ZBTB2: variants seen among roughly 807,000 people sequenced by gnomAD.
ZBTB2 encodes the protein zinc finger and BTB domain-containing protein 2.
In ZBTB2, 2 loss-of-function variants were observed where a neutral mutation model predicts 39.5. That is an observed-to-expected ratio of 0.05 (90% CI 0.02 to 0.16). The LOEUF (loss-of-function observed/expected upper bound fraction) is 0.16, where lower values mean the gene tolerates loss of function less well. ZBTB2 is among the 10% of genes least tolerant of loss of function. ZBTB2 has a pLI of 1.00. For missense variants in ZBTB2, 391 were observed against 653.0 expected, an observed-to-expected ratio of 0.60 and a Z score of 4.37; for synonymous variants, 251 against 256.6, an observed-to-expected ratio of 0.98 and a Z score of 0.21.
intron 1 of ZBTB2, among the ~76,000 whole-genome samples, chr6:151,386,873 T>G (rs1171580577): frequency 7.3e-6 from 1 of 137,588 alleles, no homozygotes; most frequent in Non-Finnish European, 1.5e-5. Flanking sequence ...AATATTTAAT[T>G]CAATTAAAAA....
Position 151,366,341 on chromosome 6 carries a change from C to T in ZBTB2, c.725G>A (p.Ser242Asn). 6.2e-7 allele frequency: 1 copy of T among 1,614,138 alleles called. No homozygotes were observed. Among genetic ancestry groups the T allele is most frequent in the African/African-American group, 1.3e-5 (1 of 75,036 alleles). Residue 242 changes from serine to asparagine, a missense_variant, in exon 3 of 3, where the codon AGC becomes AAC. Ser to Asn is a conservative substitution (Grantham distance 46). Coordinates refer to ENST00000325144, the MANE Select transcript of ZBTB2 (RefSeq NM_020861.3). The surrounding 1 kb of genome is among the most constrained non-coding windows in gnomAD (Gnocchi z 7.1). ...ASLTIAHVKPSIMKRNGSFPK... is the reference protein window; with the variant it reads ...ASLTIAHVKPNIMKRNGSFPK... ...AAAGCTCCCATTCCTCTTCATGATG[C>T]TTGGCTTGACGTGGGCTATTGTGAG...
chr6:151,368,481 A>T (rs1778700613), intron 2 of ZBTB2, among the ~76,000 whole-genome samples: 1 of 149,176 alleles, frequency 6.7e-6, no homozygotes, highest in South Asian at 2.1e-4. Context: ...TTTGAGACAG[A>T]GTCTCACTCT....
chr6:151,364,955 A>C lies in ZBTB2; in HGVS notation c.*566T>G, dbSNP rs1359854600. On this transcript the variant is annotated 3_prime_UTR_variant, in exon 3 of 3. Transcript: ENST00000325144. ...TACTTTTTCTCCTTTTTGTTTTGTT[A>C]AAGTAGATTTCTTAACTGATGATTT... The C allele has an allele frequency of 6.5e-6, 1 of 152,704 alleles. No homozygotes were observed. The highest frequency in any genetic ancestry group is 2.4e-5 in the African/African-American group (1 of 41,446). The allele number at this position is 152,704 out of a possible 1,614,324, so 9.5% of individuals were successfully genotyped here.
intron 1 of ZBTB2, among the ~76,000 whole-genome samples, chr6:151,388,320 A>G (rs1350684077): frequency 6.6e-6 from 1 of 152,222 alleles, no homozygotes; most frequent in African/African-American, 2.4e-5. Flanking sequence ...GGGGCTAGGA[A>G]TGAAGCACCA....
At chr6:151,370,332 C>T (rs183301755) in intron 2 of ZBTB2, among the ~76,000 whole-genome samples, 13 of 152,226 alleles carry the variant, frequency 8.5e-5, no homozygotes, top group Non-Finnish European at 1.5e-4. Flanking sequence ...GATGGGGTTT[C>T]ACCATGTTGG....
chr6:151,384,498 G>A (rs917435585), intron 1 of ZBTB2, among the ~76,000 whole-genome samples: 2 of 152,192 alleles, frequency 1.3e-5, no homozygotes. Context: ...GGATTCAAAA[G>A]ATATTTAGAA....
intron 1 of ZBTB2, among the ~76,000 whole-genome samples, chr6:151,375,932 A>AGTAC (rs1778899123): frequency 1.3e-5 from 2 of 152,222 alleles, no homozygotes; most frequent in South Asian, 4.1e-4. Flanking sequence ...TTCAAGATGT[A>AGTAC]GTACATTGCT....
chr6:151,367,279 C>T (rs1232621639), intron 2 of ZBTB2, among the ~76,000 whole-genome samples: 1 of 152,080 alleles, frequency 6.6e-6, no homozygotes, highest in African/African-American at 2.4e-5. Context: ...CACTACCACG[C>T]CCAGTTAATT....
At chr6:151,376,465 G>C (rs1355591980) in intron 1 of ZBTB2, among the ~76,000 whole-genome samples, 2 of 152,070 alleles carry the variant, frequency 1.3e-5, no homozygotes, top group African/African-American at 4.8e-5. Context: ...CAAAGGATTA[G>C]TAACTGGAAT....
At position 151,364,856 on chromosome 6, in the gene ZBTB2, A is replaced by AT. The variant is rs1287549840; in HGVS notation, c.*664dup. On this transcript the variant is annotated 3_prime_UTR_variant, in exon 3 of 3. Coordinates refer to ENST00000325144, the MANE Select transcript of ZBTB2 (RefSeq NM_020861.3). ...CCTGTTTATTAGCAAGTACCCACAC[A>AT]TTTTTCTCTTACAAACACACAAACT... 6.6e-6 allele frequency: 1 copy of AT among 152,644 alleles called. No homozygotes were observed. Among genetic ancestry groups the AT allele is most frequent in the Admixed American group, 6.5e-5 (1 of 15,280 alleles). The allele number at this position is 152,644 out of a possible 1,614,324, so 9.5% of individuals were successfully genotyped here. A position where few individuals can be genotyped will look rare whatever the true frequency, so the allele number is the denominator to read the frequency against.
At chr6:151,387,131 C>T (rs867077760) in intron 1 of ZBTB2, among the ~76,000 whole-genome samples, 1 of 152,142 alleles carries the variant, frequency 6.6e-6, no homozygotes, top group African/African-American at 2.4e-5. Flanking sequence ...TGTGGACAGT[C>T]CTCTTTTATA....
At chr6:151,382,225 T>C (rs536336517) in intron 1 of ZBTB2, among the ~76,000 whole-genome samples, 1 of 152,356 alleles carries the variant, frequency 6.6e-6, no homozygotes, top group East Asian at 1.9e-4. Context: ...AATCTTATTA[T>C]GGGTACATGA....
intron 1 of ZBTB2, among the ~76,000 whole-genome samples, chr6:151,378,691 G>T (rs1778967791): frequency 6.6e-6 from 1 of 152,196 alleles, no homozygotes; most frequent in Non-Finnish European, 1.5e-5. Context: ...TCCCTGCCAT[G>T]TCCTCTGACT....
At chr6:151,372,982 G>A (rs1778817215) in intron 2 of ZBTB2, among the ~76,000 whole-genome samples, 1 of 151,550 alleles carries the variant, frequency 6.6e-6, no homozygotes, top group Non-Finnish European at 1.5e-5. Flanking sequence ...GTGAAACCCC[G>A]TCTCTACTAA....
chr6:151,385,694 A>G (rs9371512), intron 1 of ZBTB2, among the ~76,000 whole-genome samples: 1 of 152,348 alleles, frequency 6.6e-6, no homozygotes, highest in East Asian at 1.9e-4. Context: ...ACAATCAGTA[A>G]CAGCAGAGGC....
intron 2 of ZBTB2, among the ~76,000 whole-genome samples, chr6:151,370,396 C>T (rs1434052020): frequency 1.3e-5 from 2 of 152,214 alleles, no homozygotes; most frequent in Non-Finnish European, 2.9e-5. Context: ...AGTTTTACTA[C>T]AGCTATAAGC....
At chr6:151,386,163 G>A (rs936851751) in intron 1 of ZBTB2, among the ~76,000 whole-genome samples, 9 of 152,200 alleles carry the variant, frequency 5.9e-5, no homozygotes, top group East Asian at 1.9e-4. Context: ...GGCTAATAAC[G>A]AGTTCATATT....
intron 1 of ZBTB2, among the ~76,000 whole-genome samples, chr6:151,388,637 G>C (rs1485401270): frequency 6.6e-6 from 1 of 152,156 alleles, no homozygotes; most frequent in African/African-American, 2.4e-5. Flanking sequence ...AAAGTGCTGG[G>C]ATTATAGGCG....
intron 2 of ZBTB2, among the ~76,000 whole-genome samples, chr6:151,369,182 T>C (rs1778722206): frequency 6.6e-6 from 1 of 152,108 alleles, no homozygotes; most frequent in Non-Finnish European, 1.5e-5. Flanking sequence ...CTATGTACAG[T>C]CTCAGATGGC....
Sources: gnomAD v4.1 joint callset for allele counts (sites outside exome capture counted in the v4.1 genomes callset) on GRCh38, gnomAD v4.1.1 for gene constraint, Gnocchi (gnomAD v3.1) non-coding constraint, MANE v1.5 for transcripts, NCBI Gene and HGNC (gene_info 2026-07-23, HGNC 2026-07-21) for gene names.